Variants in CCDC148 observed in about 807,000 individuals in gnomAD.
CCDC148 encodes coiled-coil domain-containing protein 148.
A neutral mutation model predicts 85.7 loss-of-function variants in CCDC148; 89 were observed. The ratio of observed to expected loss-of-function variants is 1.04; its 90% CI spans 0.87 to 1.24. The LOEUF (loss-of-function observed/expected upper bound fraction) is 1.24. CCDC148 is among the 50% of genes most tolerant of loss of function. CCDC148 has a pLI of 0.00. For missense variants in CCDC148, 692 were observed against 671.7 expected (o/e 1.03, Z -0.33); for synonymous variants, 230 against 213.9 (o/e 1.08, Z -0.66).
At chr2:158,416,448 A>G (rs1180259639) in intron 1 of CCDC148, among the ~76,000 whole-genome samples, 1 of 152,198 alleles carries the variant, frequency 6.6e-6, no homozygotes, top group Non-Finnish European at 1.5e-5. Flanking sequence ...CACATCTTGA[A>G]TGCTTTGCTG....
intron 1 of CCDC148, among the ~76,000 whole-genome samples, chr2:158,436,188 C>T (rs1355082287): frequency 6.6e-6 from 1 of 152,154 alleles, no homozygotes; most frequent in African/African-American, 2.4e-5. Flanking sequence ...TTCTCAGCAC[C>T]CCATCACACT....
rs551943914 is a variant in CCDC148 at position 158,249,406 on chromosome 2, G to A, written c.1251+1366C>T. Among the ~76,000 whole-genome samples, 143 of 152,162 alleles carry A rather than the reference G, an allele frequency of 9.4e-4. 2 individuals carry two copies. The highest frequency in any genetic ancestry group is 3.3e-3 in the African/African-American group (138 of 41,532). ...ATAGCTCACTTACATTATTTGAAAC[G>A]TGATCAATATTTATGAGTTTTGGAG... On this transcript the variant is annotated intron_variant, in intron 10 of 13. Transcript: ENST00000283233.
chr2:158,352,680 A>C (rs994030961), intron 2 of CCDC148, among the ~76,000 whole-genome samples: 2 of 152,042 alleles, frequency 1.3e-5, no homozygotes, highest in Non-Finnish European at 2.9e-5. Context: ...GAACTTCCCC[A>C]ATCTAGCAAG....
At chr2:158,339,221 G>T (rs1283389909) in intron 5 of CCDC148, 136 bp from the exon 6 acceptor site, 20 of 674,838 alleles carry the variant, frequency 3.0e-5, no homozygotes, top group Non-Finnish European at 4.8e-5. Flanking sequence ...TTAAAGAGAT[G>T]CCAGCCAGGT....
At chr2:158,292,738 A>G (rs887232379) in intron 9 of CCDC148, among the ~76,000 whole-genome samples, 12 of 152,196 alleles carry the variant, frequency 7.9e-5, no homozygotes, top group Non-Finnish European at 1.6e-4. Flanking sequence ...GTGTTATGCA[A>G]TCTATAGGGA....
chr2:158,256,800 T>C (rs1282027094), intron 9 of CCDC148, among the ~76,000 whole-genome samples: 1 of 151,738 alleles, frequency 6.6e-6, no homozygotes, highest in Non-Finnish European at 1.5e-5. Flanking sequence ...CCAGGAAGGC[T>C]TTCCTAACCC....
chr2:158,198,698 A>G (rs1685800594), intron 11 of CCDC148, among the ~76,000 whole-genome samples: 1 of 152,180 alleles, frequency 6.6e-6, no homozygotes, highest in Admixed American at 6.5e-5. Flanking sequence ...ATTATTTGGA[A>G]TTATCATCCT....
rs868234641 is a variant in CCDC148 at position 158,193,933 on chromosome 2, G to A, written c.1371-14937C>T. Among the ~76,000 whole-genome samples the A allele has an allele frequency of 3.9e-4, 53 of 136,460 alleles. No homozygotes were observed. In the Middle Eastern group the frequency reaches 0.016, roughly 40 times the overall value. 89.5% of individuals were successfully genotyped at this position (136,460 alleles called of 152,430 possible). ...CCCAATGTAAATGATGAGTTAATGG[G>A]TGCAGCACACCAACATGGCAGATGT... On this transcript the variant is annotated intron_variant, in intron 11 of 13. Coordinates refer to ENST00000283233, the MANE Select transcript of CCDC148 (RefSeq NM_138803.4).
chr2:158,266,875 C>CATATAT (rs532539228), intron 9 of CCDC148, among the ~76,000 whole-genome samples: 8 of 148,034 alleles, frequency 5.4e-5, no homozygotes, highest in African/African-American at 2.0e-4. Flanking sequence ...TGTGTATTTA[C>CATATAT]ATATATATAT....
rs1685192119 is a variant in CCDC148, at chr2:158,187,121, C to G, written c.1371-8125G>C. Among the ~76,000 whole-genome samples, 8 of 152,008 alleles carry G rather than the reference C, an allele frequency of 5.3e-5. No individual in the cohort carries two copies. The South Asian group carries it at 1.7e-3, about 31-fold the overall frequency. ...CTAACTCTCCCTCTTAGTGGAGAACCTCACCTGCTCCACTGAAAAGAGCAT... is the reference window on the plus strand; with the variant it reads ...CTAACTCTCCCTCTTAGTGGAGAACGTCACCTGCTCCACTGAAAAGAGCAT... On this transcript the variant is annotated intron_variant, in intron 11 of 13. Coordinates refer to ENST00000283233, the MANE Select transcript of CCDC148 (RefSeq NM_138803.4).
chr2:158,379,413 C>T (rs1001626911), intron 1 of CCDC148, among the ~76,000 whole-genome samples: 3 of 152,108 alleles, frequency 2.0e-5, no homozygotes, highest in Non-Finnish European at 4.4e-5. Flanking sequence ...CTTGTGAACA[C>T]TGTTGAAATA....
At chr2:158,198,726 G>T (rs1685801684) in intron 11 of CCDC148, among the ~76,000 whole-genome samples, 1 of 152,118 alleles carries the variant, frequency 6.6e-6, no homozygotes, top group South Asian at 2.1e-4. Flanking sequence ...CAGTTTGTAG[G>T]ATAGAAAAAT....
chr2:158,307,856 T>C (rs556972764), intron 9 of CCDC148, among the ~76,000 whole-genome samples: 29 of 152,284 alleles, frequency 1.9e-4, no homozygotes, highest in African/African-American at 4.8e-4. Flanking sequence ...GAAGTCAGAA[T>C]AGTGATCACA....
At chr2:158,224,116 G>A (rs1393893178) in intron 10 of CCDC148, among the ~76,000 whole-genome samples, 1 of 152,114 alleles carries the variant, frequency 6.6e-6, no homozygotes, top group African/African-American at 2.4e-5. Flanking sequence ...ATGCAGAGAA[G>A]GCCTTAAAGG....
At chr2:158,437,899 T>C (rs1687739349) in intron 1 of CCDC148, among the ~76,000 whole-genome samples, 1 of 152,072 alleles carries the variant, frequency 6.6e-6, no homozygotes, top group African/African-American at 2.4e-5. Context: ...ATAAAATACC[T>C]AGGAATCCAA....
chr2:158,281,955 A>T (rs1294771926), intron 9 of CCDC148, among the ~76,000 whole-genome samples: 17 of 152,150 alleles, frequency 1.1e-4, no homozygotes, highest in African/African-American at 3.9e-4. Flanking sequence ...CATCCCTGGG[A>T]TGCAAGGCTG....
At chr2:158,246,210 G>C (rs988762619) in intron 10 of CCDC148, among the ~76,000 whole-genome samples, 7 of 152,236 alleles carry the variant, frequency 4.6e-5, no homozygotes, top group African/African-American at 1.7e-4. Context: ...GACAGCAGAT[G>C]GGGGGAAAAC....
At chr2:158,220,301 G>A (rs974794699) in intron 11 of CCDC148, among the ~76,000 whole-genome samples, 1 of 152,164 alleles carries the variant, frequency 6.6e-6, no homozygotes, top group Non-Finnish European at 1.5e-5. Flanking sequence ...GATAGTTACA[G>A]CAGCAGCCAG....
chr2:158,221,304 A>C (rs1687172594), intron 10 of CCDC148, among the ~76,000 whole-genome samples: 1 of 152,190 alleles, frequency 6.6e-6, no homozygotes, highest in South Asian at 2.1e-4. Context: ...AAGTGCAAAA[A>C]GGTGAAAGCA....
Sources: gnomAD v4.1 joint callset for allele counts (sites outside exome capture counted in the v4.1 genomes callset) on GRCh38, gnomAD v4.1.1 for gene constraint, MANE v1.5 for transcripts, NCBI Gene and HGNC (gene_info 2026-07-23, HGNC 2026-07-21) for gene names.